The following TOGARAM2 variants were observed in gnomAD, a reference collection of about 807,000 sequenced individuals.
The protein encoded by TOGARAM2 is TOG array regulator of axonemal microtubules 2.
Under a neutral mutation model 93.3 loss-of-function variants are expected in TOGARAM2, and 85 were observed. The ratio of observed to expected loss-of-function variants is 0.91; its 90% CI spans 0.76 to 1.09. TOGARAM2 has a LOEUF of 1.09. Among genes scored for constraint, TOGARAM2 ranks in the 50% least tolerant of loss-of-function variants. The pLI is 0.00. For missense variants in TOGARAM2, 1,277 were observed against 1,334.5 expected, an observed-to-expected ratio of 0.96 and a Z score of 0.67; for synonymous variants, 593 against 552.8, an observed-to-expected ratio of 1.07 and a Z score of -1.02.
intron 2 of TOGARAM2, among the ~76,000 whole-genome samples, chr2:28,996,260 C>A (rs1672983820): frequency 1.3e-5 from 2 of 152,106 alleles, no homozygotes; most frequent in Non-Finnish European, 2.9e-5. Flanking sequence ...TGGGAACATT[C>A]CAATTCTAGC....
At chr2:29,000,024 G>C (rs1436850682) in intron 4 of TOGARAM2, among the ~76,000 whole-genome samples, 1 of 149,964 alleles carries the variant, frequency 6.7e-6, no homozygotes, top group African/African-American at 2.5e-5. Flanking sequence ...CCTCCTCAAA[G>C]AGGCCTCCTT....
chr2:29,043,805 G>A (rs1666580472), intron 18 of TOGARAM2, among the ~76,000 whole-genome samples: 1 of 152,186 alleles, frequency 6.6e-6, no homozygotes, highest in African/African-American at 2.4e-5. Context: ...TCTAGGACAG[G>A]CCCATTTTTC....
chr2:29,037,495 A>G (rs574950000), intron 18 of TOGARAM2, among the ~76,000 whole-genome samples: 2 of 152,172 alleles, frequency 1.3e-5, no homozygotes, highest in Non-Finnish European at 2.9e-5. Context: ...CCTCATGAGC[A>G]TAGAGCAACG....
At chr2:29,040,475 T>C (rs1292149974) in intron 18 of TOGARAM2, among the ~76,000 whole-genome samples, 2 of 152,224 alleles carry the variant, frequency 1.3e-5, no homozygotes, top group Non-Finnish European at 2.9e-5. Flanking sequence ...GTAGGGTAAA[T>C]CCACCTGATA....
chr2:28,993,467 T>C (rs1672837504), intron 1 of TOGARAM2, among the ~76,000 whole-genome samples: 1 of 152,172 alleles, frequency 6.6e-6, no homozygotes, highest in Non-Finnish European at 1.5e-5. Context: ...GTTTGGGGTG[T>C]TGGTGCCTGT....
intron 6 of TOGARAM2, among the ~76,000 whole-genome samples, chr2:29,007,364 G>T (rs1378825889): frequency 6.6e-6 from 1 of 152,026 alleles, no homozygotes; most frequent in African/African-American, 2.4e-5. Context: ...CCTCCTCATT[G>T]CTGTCAAGGT....
At position 29,032,931 on chromosome 2, in the gene TOGARAM2, C is replaced by T; in HGVS notation, c.2013-3C>T. ...CTTTATCTTGCTCTCTCTCCTGTGG[C>T]AGATTTTATGGCCGGAAGATGGTGA... is the stretch of plus-strand genomic sequence containing the variant. On this transcript the variant is annotated splice_region_variant and splice_polypyrimidine_tract_variant and intron_variant, in intron 14 of 19. Transcript: ENST00000379558. 1 of 1,612,442 alleles carries T rather than the reference C, an allele frequency of 6.2e-7. No homozygotes were observed.
intron 6 of TOGARAM2, among the ~76,000 whole-genome samples, chr2:29,010,501 G>A (rs1441198483): frequency 1.3e-5 from 2 of 152,082 alleles, no homozygotes; most frequent in African/African-American, 2.4e-5. Context: ...AAGGATCAGG[G>A]TTCCCCTGCA....
chr2:29,039,979 T>A (rs908054495), intron 18 of TOGARAM2, among the ~76,000 whole-genome samples: 5 of 152,258 alleles, frequency 3.3e-5, no homozygotes, highest in African/African-American at 1.2e-4. Context: ...TGGTCAGTAC[T>A]GGAGAGGGCA....
chr2:29,019,947 CAAAT>C (rs940656338), intron 10 of TOGARAM2, among the ~76,000 whole-genome samples: 3 of 152,198 alleles, frequency 2.0e-5, no homozygotes, highest in East Asian at 1.9e-4. Context: ...AACGAGCACT[CAAAT>C]AAAGGATTTC....
chr2:29,020,088 G>A (rs1488512831), intron 10 of TOGARAM2, among the ~76,000 whole-genome samples: 1 of 152,196 alleles, frequency 6.6e-6, no homozygotes, highest in African/African-American at 2.4e-5. Context: ...ACTGTGTCCG[G>A]TCCCCATTGG....
chr2:29,004,348 T>C (rs1673495396), intron 6 of TOGARAM2, among the ~76,000 whole-genome samples: 1 of 152,214 alleles, frequency 6.6e-6, no homozygotes, highest in Non-Finnish European at 1.5e-5. Flanking sequence ...AAATATTTTC[T>C]TAATTGATGG....
At chr2:28,980,620 C>T (rs56063472), upstream of TOGARAM2, among the ~76,000 whole-genome samples, 61,111 of 152,076 alleles carry the variant, frequency 0.4, 14,085 homozygotes, top group East Asian at 0.8. Context: ...CTGGGATTTC[C>T]GCCCAAGAGC....
rs1665424846 is a variant in TOGARAM2 at position 29,027,001 on chromosome 2, C to G, written c.2002C>G (p.Gln668Glu). Residue 668 changes from glutamine (Q) to glutamate (E), a missense_variant, in exon 14 of 20, where the codon CAG (glutamine) becomes GAG (glutamate). Physicochemically the swap from Gln to Glu is conservative, Grantham distance 29. Coordinates refer to ENST00000379558, the MANE Select transcript of TOGARAM2 (RefSeq NM_199280.4). Reference protein sequence around the residue: ...NLVRLAQDSNQDTRFYGRKMV... With the variant: ...NLVRLAQDSNEDTRFYGRKMV... ...GGTGAGGCTGGCACAGGACTCCAACCAGGACACCAGGTAGGGCAGGGCCAG... is the reference window on the plus strand; with the variant it reads ...GGTGAGGCTGGCACAGGACTCCAACGAGGACACCAGGTAGGGCAGGGCCAG... The G allele has an allele frequency of 6.4e-7, 1 of 1,560,258 alleles. No homozygotes were observed. The highest frequency in any genetic ancestry group is 1.9e-5 in the Admixed American group (1 of 51,942).
At position 29,005,017 on chromosome 2, in the gene TOGARAM2, T is replaced by G. The variant is rs1673587741; in HGVS notation, c.830+1335T>G. Reference sequence around the variant, plus strand: ...GTGCATGTGTGTGCATGTGTATGTGTGAGTGCATGTATGTGAGTGCATGTG... The same window carrying G: ...GTGCATGTGTGTGCATGTGTATGTGGGAGTGCATGTATGTGAGTGCATGTG... On this transcript the variant is annotated intron_variant, in intron 6 of 19. Transcript: ENST00000379558. 5.7e-5 allele frequency among the ~76,000 whole-genome samples: 2 copies of G among 35,312 alleles called. 1 individual carries two copies. Among genetic ancestry groups the G allele is most frequent in the South Asian group, 1.9e-3 (2 of 1,070 alleles). The allele number at this position is 35,312 out of a possible 152,430, so 23.2% of individuals were successfully genotyped here. A position where few individuals can be genotyped will look rare whatever the true frequency, so the allele number is the denominator to read the frequency against.
intron 1 of TOGARAM2, among the ~76,000 whole-genome samples, chr2:28,975,943 A>T (rs980384640): frequency 2.3e-5 from 3 of 130,346 alleles, no homozygotes; most frequent in Admixed American, 8.6e-5. Context: ...GAGGCTTTTT[A>T]AAAAAATGAC....
chr2:28,964,233 T>A (rs1392616790), intron 1 of TOGARAM2, among the ~76,000 whole-genome samples: 1 of 152,232 alleles, frequency 6.6e-6, no homozygotes, highest in Non-Finnish European at 1.5e-5. Context: ...TTTGTTATGG[T>A]ATATTCACAT....
At chr2:29,040,006 G>A (rs763263909) in intron 18 of TOGARAM2, among the ~76,000 whole-genome samples, 24 of 152,128 alleles carry the variant, frequency 1.6e-4, no homozygotes, top group African/African-American at 4.6e-4. Context: ...CTTGGAATGC[G>A]GGTGGCTTCA....
intron 18 of TOGARAM2, among the ~76,000 whole-genome samples, chr2:29,039,781 A>G (rs1369450960): frequency 6.6e-6 from 1 of 152,198 alleles, no homozygotes; most frequent in African/African-American, 2.4e-5. Context: ...CAGGGGAATT[A>G]TTCTGGGATC....
Sources: gnomAD v4.1 joint callset for allele counts (sites outside exome capture counted in the v4.1 genomes callset) on GRCh38, gnomAD v4.1.1 for gene constraint, MANE v1.5 for transcripts, NCBI Gene and HGNC (gene_info 2026-07-23, HGNC 2026-07-21) for gene names.